Variants in CHL1 observed in about 807,000 individuals in gnomAD.
CHL1 encodes the protein neural cell adhesion molecule L1-like protein.
Under a neutral mutation model 141.9 loss-of-function variants are expected in CHL1, and 96 were observed. The ratio of observed to expected loss-of-function variants is 0.68; its 90% CI spans 0.57 to 0.80. The LOEUF is 0.80. CHL1 is among the 30% of genes least tolerant of loss of function. The probability of loss-of-function intolerance (pLI) is 0.00; values close to 1 mark genes in which losing one functional copy is unlikely to be tolerated. For synonymous variants in CHL1, 613 were observed against 502.2 expected (o/e 1.22, Z -2.95); for missense variants, 1,820 against 1,457.2 (o/e 1.25, Z -4.05).
chr3:317,601 A>T (rs954418448), intron 2 of CHL1, among the ~76,000 whole-genome samples: 8 of 151,622 alleles, frequency 5.3e-5, no homozygotes, highest in Admixed American at 3.3e-4. Flanking sequence ...TTGCAAGTAA[A>T]GATTGATATA....
At chr3:255,998 C>T (rs1276497316) in intron 2 of CHL1, among the ~76,000 whole-genome samples, 1 of 152,112 alleles carries the variant, frequency 6.6e-6, no homozygotes, top group Non-Finnish European at 1.5e-5. Flanking sequence ...TTCTAAAATT[C>T]CTGGGATTCA....
intron 2 of CHL1, among the ~76,000 whole-genome samples, chr3:315,288 T>C (rs1392811138): frequency 6.6e-6 from 1 of 152,164 alleles, no homozygotes; most frequent in Non-Finnish European, 1.5e-5. Context: ...CCCACAGCCA[T>C]CTAGCAATGG....
chr3:254,489 G>T (rs55998098), intron 2 of CHL1, among the ~76,000 whole-genome samples: 2,053 of 152,250 alleles, frequency 0.013, 25 homozygotes, highest in Non-Finnish European at 0.023. Flanking sequence ...TTAAAGATAG[G>T]TTTTTTAGCT....
At chr3:371,606 T>C (rs1237345375) in intron 15 of CHL1, among the ~76,000 whole-genome samples, 1 of 152,184 alleles carries the variant, frequency 6.6e-6, no homozygotes, top group Non-Finnish European at 1.5e-5. Context: ...TGCATTTACA[T>C]TTAAGGTTAG....
chr3:197,607 G>A (rs1174419844), intron 1 of CHL1: 3 of 360,692 alleles, frequency 8.3e-6, no homozygotes, highest in South Asian at 6.1e-5. Flanking sequence ...CCTCCTCTCA[G>A]GAGAGGATTC....
chr3:201,742 G>C (rs1237999746), intron 1 of CHL1, among the ~76,000 whole-genome samples: 1 of 152,078 alleles, frequency 6.6e-6, no homozygotes, highest in African/African-American at 2.4e-5. Flanking sequence ...GCTTTGACCA[G>C]GGTTTCTTCT....
intron 11 of CHL1, among the ~76,000 whole-genome samples, chr3:359,378 A>T (rs928692847): frequency 3.3e-5 from 5 of 151,728 alleles, no homozygotes; most frequent in Middle Eastern, 3.4e-3. Context: ...ATCTTGGCTC[A>T]CTGTAACCTC....
chr3:322,657 T>TATATATATAC (rs1559252844), intron 3 of CHL1, among the ~76,000 whole-genome samples: 1 of 140,786 alleles, frequency 7.1e-6, no homozygotes, highest in African/African-American at 2.7e-5. Context: ...TATATATATA[T>TATATATATAC]ATATATATAT....
intron 27 of CHL1, among the ~76,000 whole-genome samples, chr3:404,267 G>A (rs1010759282): frequency 6.6e-6 from 1 of 152,106 alleles, no homozygotes; most frequent in African/African-American, 2.4e-5. Flanking sequence ...ATATAACACA[G>A]AGTAGGCAAA....
At chr3:274,081 T>G (rs1695874239) in intron 2 of CHL1, among the ~76,000 whole-genome samples, 2 of 152,198 alleles carry the variant, frequency 1.3e-5, no homozygotes, top group Admixed American at 1.3e-4. Flanking sequence ...TTTTCCTCCT[T>G]AGTTTCTGTT....
At chr3:287,027 A>G (rs1293685593) in intron 2 of CHL1, among the ~76,000 whole-genome samples, 1 of 151,792 alleles carries the variant, frequency 6.6e-6, no homozygotes, top group Non-Finnish European at 1.5e-5. Context: ...TCTTGTGCCA[A>G]CCTCCTATCT....
intron 2 of CHL1, among the ~76,000 whole-genome samples, chr3:285,574 C>T (rs1444988132): frequency 6.6e-6 from 1 of 152,150 alleles, no homozygotes; most frequent in African/African-American, 2.4e-5. Flanking sequence ...GAGAAGAAGC[C>T]TGACTCCTCC....
intron 2 of CHL1, among the ~76,000 whole-genome samples, chr3:281,559 CTT>C (rs71619446): frequency 0.24 from 31,938 of 134,948 alleles, 2,911 homozygotes; most frequent in Middle Eastern, 0.36. Flanking sequence ...CAATTTGTAC[CTT>C]TTTTTTTTTT....
chr3:360,340 C>A lies in CHL1; in HGVS notation c.1222C>A (p.Gln408Lys), dbSNP rs1704115267. 2 of 1,613,788 alleles carry A rather than the reference C, an allele frequency of 1.2e-6. No individual in the cohort carries two copies. The highest frequency in any genetic ancestry group is 1.7e-6 in the Non-Finnish European group (2 of 1,179,766). The change falls in exon 12 of 28, where the codon CAA becomes AAA. Residue 408 changes from glutamine (Q) to lysine (K), a missense_variant. Transcript: ENST00000256509. ...CAGGGAAATCAGTTTTACCAACCTT[C>A]AACCAAATCATACTGCTGTGTACCA... ...FPREISFTNL[Q>K]PNHTAVYQCE...
At chr3:312,839 T>C (rs147543402) in intron 2 of CHL1, among the ~76,000 whole-genome samples, 121 of 152,328 alleles carry the variant, frequency 7.9e-4, no homozygotes, top group African/African-American at 2.5e-3. Context: ...CAGACTATTA[T>C]ACAAATCCAT....
intron 19 of CHL1, among the ~76,000 whole-genome samples, chr3:385,248 A>G (rs1413447660): frequency 6.6e-6 from 1 of 152,162 alleles, no homozygotes; most frequent in East Asian, 1.9e-4. Flanking sequence ...TCAGTTCCTC[A>G]GAGAAGCACA....
chr3:265,250 G>C (rs1195910062), intron 2 of CHL1, among the ~76,000 whole-genome samples: 1 of 152,096 alleles, frequency 6.6e-6, no homozygotes, highest in Non-Finnish European at 1.5e-5. Context: ...CAACATTTCT[G>C]TGTCTCAACT....
In CHL1 at chr3:393,125, C is replaced by T. The variant is rs569173824; in HGVS notation, c.2914+1328C>T. Among the ~76,000 whole-genome samples, 36 of 149,414 alleles carry T rather than the reference C, an allele frequency of 2.4e-4. No homozygotes were observed. The East Asian group carries it at 3.8e-3, about 16-fold the overall frequency. On this transcript the variant is annotated intron_variant, in intron 23 of 27. Coordinates refer to ENST00000256509, the MANE Select transcript of CHL1 (RefSeq NM_006614.4). The stretch of plus-strand genomic sequence containing the variant: ...GTGGGCCCCTGTAGTCCCAGCTACT[C>T]GGGCGGCTGAGGCAGGAGAATGGCG...
chr3:309,800 G>A (rs1004150556), intron 2 of CHL1, among the ~76,000 whole-genome samples: 7 of 152,080 alleles, frequency 4.6e-5, no homozygotes, highest in Non-Finnish European at 7.4e-5. Flanking sequence ...CAAGCATGAG[G>A]CACTGCACTT....
Sources: gnomAD v4.1 joint callset for allele counts (sites outside exome capture counted in the v4.1 genomes callset) on GRCh38, gnomAD v4.1.1 for gene constraint, MANE v1.5 for transcripts, NCBI Gene and HGNC (gene_info 2026-07-23, HGNC 2026-07-21) for gene names.